The following CNPY1 variants were observed in gnomAD, a reference collection of about 807,000 sequenced individuals.
CNPY1 encodes the protein canopy FGF signaling regulator 1, also known as protein canopy homolog 1.
In CNPY1, 14 loss-of-function variants were observed where a neutral mutation model predicts 14.4. The ratio of observed to expected loss-of-function variants is 0.97; its 90% CI spans 0.64 to 1.52. The LOEUF (loss-of-function observed/expected upper bound fraction) is 1.52. CNPY1 is among the 40% of genes most tolerant of loss of function. The pLI is 0.00. For synonymous variants in CNPY1, 43 were observed against 46.5 expected (o/e 0.92, Z 0.31); for missense variants, 129 against 131.5 (o/e 0.98, Z 0.09).
intron 2 of CNPY1, among the ~76,000 whole-genome samples, chr7:155,544,137 T>C (rs527703563): frequency 6.6e-6 from 1 of 152,288 alleles, no homozygotes; most frequent in East Asian, 1.9e-4. Flanking sequence ...AGTGTGAATT[T>C]GAGGAGGGTG....
At chr7:155,520,458 G>A (rs1253372482) in intron 2 of CNPY1, among the ~76,000 whole-genome samples, 1 of 90,594 alleles carries the variant, frequency 1.1e-5, no homozygotes, top group African/African-American at 4.2e-5. Flanking sequence ...TTTTTTTGAG[G>A]CAGAGTTTCA....
chr7:155,528,683 T>G (rs1349143053), intron 2 of CNPY1, among the ~76,000 whole-genome samples: 1 of 152,236 alleles, frequency 6.6e-6, no homozygotes, highest in Non-Finnish European at 1.5e-5. Flanking sequence ...GACTCCCATC[T>G]TTGAAGCACG....
intron 2 of CNPY1, among the ~76,000 whole-genome samples, chr7:155,527,916 C>T (rs1365981812): frequency 3.3e-5 from 5 of 152,186 alleles, no homozygotes; most frequent in Non-Finnish European, 7.3e-5. Context: ...GAGGCGTGGC[C>T]CTGGTGGCCC....
intron 4 of CNPY1, chr7:155,506,551 CCAAACAAA>C (rs139356181): frequency 2.2e-4 from 33 of 152,326 alleles, no homozygotes; most frequent in Non-Finnish European, 3.2e-4. Context: ...CAGCATCCCC[CCAAACAAA>C]CAAACAAACA....
At chr7:155,531,528 G>A (rs73732799) in intron 2 of CNPY1, among the ~76,000 whole-genome samples, 1,822 of 152,268 alleles carry the variant, frequency 0.012, 40 homozygotes, top group African/African-American at 0.041. Flanking sequence ...CTGACTTATA[G>A]GCTGCTCAAA....
chr7:155,520,606 G>A (rs187806505), intron 2 of CNPY1, among the ~76,000 whole-genome samples: 3 of 151,598 alleles, frequency 2.0e-5, no homozygotes, highest in South Asian at 2.1e-4. Flanking sequence ...AGTCCTTCAC[G>A]TCATTTGTTT....
intron 2 of CNPY1, among the ~76,000 whole-genome samples, chr7:155,527,045 TCTTTCTTTC>T (rs1306511480): frequency 3.3e-5 from 2 of 61,496 alleles, no homozygotes; most frequent in African/African-American, 1.3e-4. Flanking sequence ...TTTCTTTCTT[TCTTTCTTTC>T]TTTTTTTTTT....
intron 2 of CNPY1, among the ~76,000 whole-genome samples, chr7:155,529,646 T>G (rs1308143563): frequency 3.3e-5 from 5 of 152,172 alleles, no homozygotes; most frequent in African/African-American, 1.2e-4. Context: ...CCATCTTATC[T>G]TCTTATAAGG....
intron 2 of CNPY1, among the ~76,000 whole-genome samples, chr7:155,522,941 T>A (rs1796751782): frequency 6.6e-6 from 1 of 152,200 alleles, no homozygotes; most frequent in Admixed American, 6.5e-5. Flanking sequence ...CCAGCCTCCC[T>A]GTATGGGAGC....
At position 155,508,895 on chromosome 7, in the gene CNPY1, G is replaced by T; in HGVS notation, c.302C>A (p.Ala101Glu). 6.2e-7 allele frequency: 1 copy of T among 1,612,756 alleles called. No homozygotes were observed. Residue 101 changes from alanine to glutamate, a missense_variant and splice_region_variant, in exon 3 of 5, where the codon GCG (alanine) becomes GAG (glutamate). Transcript: ENST00000636446. The part of the protein sequence containing the change: ...YSDAYRPLKF[A>E]CETIIEEYED... ...TCATCTGCAAGGAAGAGAGCTTACC[G>T]CAAATTTCAAAGGTCTGTAAGCATC...
intron 2 of CNPY1, among the ~76,000 whole-genome samples, chr7:155,535,860 T>C (rs1309120181): frequency 6.6e-6 from 1 of 152,236 alleles, no homozygotes; most frequent in African/African-American, 2.4e-5. Context: ...TCTGCTGTTC[T>C]CTGGTAAGCA....
At chr7:155,537,728 G>A (rs1797040108) in intron 2 of CNPY1, among the ~76,000 whole-genome samples, 1 of 152,048 alleles carries the variant, frequency 6.6e-6, no homozygotes, top group African/African-American at 2.4e-5. Flanking sequence ...TCCAGCCTCT[G>A]TTGAATATTT....
chr7:155,520,796 T>G (rs1031591565), intron 2 of CNPY1, among the ~76,000 whole-genome samples: 6 of 152,208 alleles, frequency 3.9e-5, no homozygotes, highest in Non-Finnish European at 7.4e-5. Context: ...TACCCAGATC[T>G]TGAAAGAGGG....
chr7:155,543,821 A>G (rs866458223), intron 2 of CNPY1, among the ~76,000 whole-genome samples: 31 of 152,352 alleles, frequency 2.0e-4, no homozygotes, highest in Admixed American at 1.4e-3. Context: ...AGCCCTGGGC[A>G]GAAAGATCAC....
chr7:155,532,244 G>T (rs1416690790), intron 2 of CNPY1, among the ~76,000 whole-genome samples: 3 of 152,172 alleles, frequency 2.0e-5, no homozygotes, highest in Non-Finnish European at 2.9e-5. Flanking sequence ...GTGTCTCTGT[G>T]TGTCCCTGCA....
chr7:155,537,865 C>A (rs1292363788), intron 2 of CNPY1, among the ~76,000 whole-genome samples: 1 of 152,038 alleles, frequency 6.6e-6, no homozygotes, highest in African/African-American at 2.4e-5. Flanking sequence ...ACCTTCAAAA[C>A]TTTATGTTTT....
chr7:155,536,614 C>T lies in CNPY1; in HGVS notation c.99+9217G>A, dbSNP rs192524130. 1.3e-5 allele frequency among the ~76,000 whole-genome samples: 2 copies of T among 152,326 alleles called. No homozygotes were observed. Among genetic ancestry groups the T allele is most frequent in the East Asian group, 1.9e-4 (1 of 5,184 alleles). On this transcript the variant is annotated intron_variant, in intron 2 of 4. Coordinates refer to ENST00000636446, the MANE Select transcript of CNPY1 (RefSeq NM_001393663.1). This position sits in a 1 kb window ranked among gnomAD's most constrained non-coding sequence, Gnocchi z 4.1. ...CCTCCCTGTTAGCCCTGCCTGTAAA[C>T]ATTTCCCACAGAATCCTCCATGCTC...
At chr7:155,506,319 G>A (rs201860345) in intron 4 of CNPY1, among the ~76,000 whole-genome samples, 1 of 152,168 alleles carries the variant, frequency 6.6e-6, no homozygotes, top group East Asian at 1.9e-4. Context: ...TATTAAACAA[G>A]CATCCAAGTT....
chr7:155,504,689 A>AACACACACACACACACACACAC (rs61377945), intron 4 of CNPY1, among the ~76,000 whole-genome samples: 2 of 145,198 alleles, frequency 1.4e-5, no homozygotes, highest in Admixed American at 6.8e-5. Flanking sequence ...CATACCCCCC[A>AACACACACACACACACACACAC]ACACACACAC....
Sources: gnomAD v4.1 joint callset for allele counts (sites outside exome capture counted in the v4.1 genomes callset) on GRCh38, gnomAD v4.1.1 for gene constraint, Gnocchi (gnomAD v3.1) non-coding constraint, MANE v1.5 for transcripts, NCBI Gene and HGNC (gene_info 2026-07-23, HGNC 2026-07-21) for gene names.